PTK2: variants seen among roughly 807,000 people sequenced by gnomAD.
PTK2 encodes protein tyrosine kinase 2, also known as focal adhesion kinase 1.
Under a neutral mutation model 150.1 loss-of-function variants are expected in PTK2, and 45 were observed. The observed-to-expected ratio is 0.30, with a 90% CI of 0.24 to 0.38. The LOEUF is 0.38. Ranked by LOEUF, PTK2 falls within the 10% of genes least tolerant of loss-of-function variation. The probability of loss-of-function intolerance (pLI) is 1.00; values close to 1 mark genes in which losing one functional copy is unlikely to be tolerated. For missense variants in PTK2, 919 were observed against 1,307.3 expected (o/e 0.70, Z 4.58); for synonymous variants, 432 against 449.2 (o/e 0.96, Z 0.48).
At chr8:140,942,994 C>T (rs1054743948) in intron 1 of PTK2, among the ~76,000 whole-genome samples, 5 of 152,190 alleles carry the variant, frequency 3.3e-5, no homozygotes, top group East Asian at 1.9e-4. Flanking sequence ...TGTGACGCAT[C>T]TGCTCCCACT....
intron 14 of PTK2, among the ~76,000 whole-genome samples, chr8:140,766,747 G>C (rs965341079): frequency 6.6e-6 from 1 of 152,240 alleles, no homozygotes; most frequent in Non-Finnish European, 1.5e-5. Flanking sequence ...CAGCACAGAA[G>C]TGAATGGTAG....
intron 16 of PTK2, among the ~76,000 whole-genome samples, chr8:140,753,669 T>TTATGCACACTTACTATTGTCTTTCAC (rs1461800449): frequency 6.1e-4 from 93 of 152,338 alleles, no homozygotes; most frequent in Non-Finnish European, 9.4e-4. Context: ...CAAAAAGTCA[T>TTATGCACACTTACTATTGTCTTTCAC]TATGCACACT....
intron 5 of PTK2, among the ~76,000 whole-genome samples, chr8:140,847,890 A>G (rs1172126465): frequency 6.6e-6 from 1 of 152,050 alleles, no homozygotes; most frequent in Non-Finnish European, 1.5e-5. Context: ...CTCCACACCA[A>G]TCTTTGTCTA....
chr8:140,840,502 T>C (rs946080750), intron 7 of PTK2, among the ~76,000 whole-genome samples: 1 of 152,146 alleles, frequency 6.6e-6, no homozygotes, highest in African/African-American at 2.4e-5. Flanking sequence ...TGGAAGAAGA[T>C]GGGGAGAGTT....
chr8:140,685,249 C>A (rs564541254), intron 27 of PTK2, among the ~76,000 whole-genome samples: 1 of 152,172 alleles, frequency 6.6e-6, no homozygotes, highest in East Asian at 1.9e-4. Flanking sequence ...CAACTCAAGA[C>A]GGATTAAAGA....
chr8:140,799,641 C>G (rs756602223), intron 12 of PTK2, among the ~76,000 whole-genome samples: 30 of 152,186 alleles, frequency 2.0e-4, no homozygotes, highest in Non-Finnish European at 4.0e-4. Context: ...AACAATACAA[C>G]TAAAATCTAG....
intron 24 of PTK2, among the ~76,000 whole-genome samples, chr8:140,703,238 G>A (rs1267101287): frequency 3.9e-5 from 6 of 152,026 alleles, no homozygotes; most frequent in Admixed American, 1.3e-4. Flanking sequence ...ACTCCAGCCT[G>A]GGTGACAGAG....
rs1468289701 is a variant in PTK2, at chr8:140,697,136, GGAAAAAAAAA to G, written c.2499+3745_2499+3754del. Among the ~76,000 whole-genome samples, 417 of 43,348 alleles carry G rather than the reference GGAAAAAAAAA, an allele frequency of 9.6e-3. 2 individuals carry two copies. The highest frequency in any genetic ancestry group is 0.048 in the Middle Eastern group (2 of 42). The allele number at this position is 43,348 out of a possible 152,430, so 28.4% of individuals were successfully genotyped here. On this transcript the variant is annotated intron_variant, in intron 26 of 31. Transcript: ENST00000522684. ...GTGACAGTGTGAGACCCTGTTTCCGGGAAAAAAAAAAAAAAAAAAAAAAAAAGGAAAGGTA... is the reference window on the plus strand; with the variant it reads ...GTGACAGTGTGAGACCCTGTTTCCGGAAAAAAAAAAAAAAAAGGAAAGGTA...
At chr8:140,756,160 T>A (rs899885468) in intron 16 of PTK2, among the ~76,000 whole-genome samples, 1 of 151,318 alleles carries the variant, frequency 6.6e-6, no homozygotes, top group Non-Finnish European at 1.5e-5. Context: ...CTGTCTCTAC[T>A]AAAAATACAA....
At chr8:140,986,026 A>G (rs2100193115) in intron 1 of PTK2, among the ~76,000 whole-genome samples, 1 of 152,218 alleles carries the variant, frequency 6.6e-6, no homozygotes, top group South Asian at 2.1e-4. Context: ...AGTGGTTTTC[A>G]AATGCAGATC....
At chr8:140,677,838 T>C (rs562530708) in intron 27 of PTK2, among the ~76,000 whole-genome samples, 3 of 152,368 alleles carry the variant, frequency 2.0e-5, no homozygotes, top group Admixed American at 6.5e-5. Flanking sequence ...TGAACAGTTA[T>C]TGAACATCCG....
chr8:140,724,645 A>C (rs557764156), intron 22 of PTK2, among the ~76,000 whole-genome samples: 9 of 152,318 alleles, frequency 5.9e-5, no homozygotes, highest in African/African-American at 1.9e-4. Flanking sequence ...AACAGCAATA[A>C]ATTTGAAGGG....
intron 5 of PTK2, among the ~76,000 whole-genome samples, chr8:140,856,641 TG>T (rs370304390): frequency 2.0e-5 from 3 of 152,272 alleles, no homozygotes; most frequent in African/African-American, 7.2e-5. Flanking sequence ...AAGGATTGAC[TG>T]GGAAGGGTCA....
chr8:140,817,076 G>A (rs2100105144), intron 10 of PTK2, among the ~76,000 whole-genome samples: 1 of 152,156 alleles, frequency 6.6e-6, no homozygotes, highest in African/African-American at 2.4e-5. Flanking sequence ...CTGGCCCCCA[G>A]GGAGGAAGGG....
At chr8:140,661,638 T>C (rs1052578919) in intron 31 of PTK2, among the ~76,000 whole-genome samples, 5 of 152,096 alleles carry the variant, frequency 3.3e-5, no homozygotes, top group African/African-American at 9.7e-5. Flanking sequence ...AACAAGTGGG[T>C]AGCACTTTGG....
At chr8:140,959,778 A>C (rs543308254) in intron 1 of PTK2, among the ~76,000 whole-genome samples, 1 of 151,900 alleles carries the variant, frequency 6.6e-6, no homozygotes, top group South Asian at 2.1e-4. Flanking sequence ...GGACAGCCTG[A>C]GCCCAGGAGT....
chr8:140,836,341 A>G (rs920037015), intron 7 of PTK2, among the ~76,000 whole-genome samples: 8 of 152,196 alleles, frequency 5.3e-5, no homozygotes, highest in African/African-American at 1.4e-4. Flanking sequence ...AAAGAAAAAG[A>G]GAATGCCCAT....
intron 28 of PTK2, among the ~76,000 whole-genome samples, chr8:140,675,004 G>A (rs564714920): frequency 6.6e-6 from 1 of 151,408 alleles, no homozygotes; most frequent in East Asian, 2.0e-4. Context: ...CCGGGAGGTG[G>A]AGGTTGCAGT....
At chr8:140,776,464 C>T (rs567525245) in intron 14 of PTK2, among the ~76,000 whole-genome samples, 5 of 152,068 alleles carry the variant, frequency 3.3e-5, no homozygotes, top group Admixed American at 2.0e-4. Flanking sequence ...CAGTGTAAAC[C>T]CTAAAGGAAA....
Sources: gnomAD v4.1 joint callset for allele counts (sites outside exome capture counted in the v4.1 genomes callset) on GRCh38, gnomAD v4.1.1 for gene constraint, MANE v1.5 for transcripts, NCBI Gene and HGNC (gene_info 2026-07-23, HGNC 2026-07-21) for gene names.